Variants in PHLPP2 observed in about 807,000 individuals in gnomAD.
The protein encoded by PHLPP2 is PH domain and leucine rich repeat protein phosphatase 2, also known as PH domain leucine-rich repeat-containing protein phosphatase 2.
In PHLPP2, 66 loss-of-function variants were observed where a neutral mutation model predicts 124.9. The ratio of observed to expected loss-of-function variants is 0.53; its 90% CI spans 0.43 to 0.65. PHLPP2 has a LOEUF of 0.65. Ranked by LOEUF, PHLPP2 falls within the 30% of genes least tolerant of loss-of-function variation. The pLI is 0.00. For synonymous variants in PHLPP2, 681 were observed against 624.7 expected, an observed-to-expected ratio of 1.09 and a Z score of -1.34; for missense variants, 1,685 against 1,600.4, an observed-to-expected ratio of 1.05 and a Z score of -0.90.
chr16:71,670,450 G>A (rs2145326406), intron 10 of PHLPP2, among the ~76,000 whole-genome samples: 1 of 152,244 alleles, frequency 6.6e-6, no homozygotes, highest in African/African-American at 2.4e-5. Context: ...AGAAAAGAGA[G>A]CAAAATTAAC....
At chr16:71,718,708 TTAAAA>T (rs1448628657) in intron 1 of PHLPP2, among the ~76,000 whole-genome samples, 1 of 151,478 alleles carries the variant, frequency 6.6e-6, no homozygotes, top group Non-Finnish European at 1.5e-5. Context: ...TCAAAAAAAA[TTAAAA>T]TAAAATAAAG....
intron 2 of PHLPP2, among the ~76,000 whole-genome samples, chr16:71,712,283 T>A (rs2045329224): frequency 6.6e-6 from 1 of 152,262 alleles, no homozygotes; most frequent in Non-Finnish European, 1.5e-5. Flanking sequence ...AGTTCAATAG[T>A]GCTTTCATTA....
At chr16:71,698,481 C>T (rs1432756755) in intron 3 of PHLPP2, 4 of 748,964 alleles carry the variant, frequency 5.3e-6, no homozygotes, top group South Asian at 4.1e-5. Flanking sequence ...CAGTGCCCTG[C>T]GGCTTTCCAA....
intron 2 of PHLPP2, among the ~76,000 whole-genome samples, chr16:71,713,577 T>C (rs183384281): frequency 1.2e-4 from 18 of 152,258 alleles, no homozygotes; most frequent in Admixed American, 3.9e-4. Flanking sequence ...TGAATGTCCA[T>C]TAATAGAAGA....
chr16:71,675,560 C>A (rs1334729898), intron 9 of PHLPP2, among the ~76,000 whole-genome samples: 2 of 152,208 alleles, frequency 1.3e-5, no homozygotes, highest in Non-Finnish European at 2.9e-5. Context: ...GACCATATCA[C>A]AGTCTCTCTT....
At chr16:71,716,758 C>T (rs1293177075) in intron 1 of PHLPP2, among the ~76,000 whole-genome samples, 1 of 152,152 alleles carries the variant, frequency 6.6e-6, no homozygotes, top group Non-Finnish European at 1.5e-5. Context: ...AAATCCTACT[C>T]AGGCATCACC....
intron 4 of PHLPP2, among the ~76,000 whole-genome samples, chr16:71,685,075 C>A (rs1383786902): frequency 1.3e-5 from 2 of 152,196 alleles, no homozygotes; most frequent in Non-Finnish European, 2.9e-5. Context: ...CGCCTGTAAT[C>A]CCAGCACTTT....
At chr16:71,656,791 C>T in intron 15 of PHLPP2, 110 bp from the exon 16 acceptor site, 1 of 635,108 alleles carries the variant, frequency 1.6e-6, no homozygotes, top group Non-Finnish European at 2.8e-6. Flanking sequence ...CCTCTTGTCA[C>T]CCAGGCTGGA....
intron 2 of PHLPP2, among the ~76,000 whole-genome samples, chr16:71,703,029 G>A (rs2045246561): frequency 6.6e-6 from 1 of 152,098 alleles, no homozygotes. Flanking sequence ...AGAGAGAACA[G>A]GTAGTATTTG....
intron 1 of PHLPP2, among the ~76,000 whole-genome samples, chr16:71,716,001 A>C (rs1403280415): frequency 6.6e-6 from 1 of 152,070 alleles, no homozygotes; most frequent in Admixed American, 6.6e-5. Flanking sequence ...CAAAAAAAAA[A>C]AAAAAACTTT....
chr16:71,673,497 G>C (rs1366541870), intron 9 of PHLPP2, among the ~76,000 whole-genome samples: 1 of 152,122 alleles, frequency 6.6e-6, no homozygotes, highest in Non-Finnish European at 1.5e-5. Flanking sequence ...TCTTGACTTT[G>C]AGGCATCAAA....
chr16:71,714,506 C>A lies in PHLPP2; in HGVS notation c.284+6G>T, dbSNP rs2045344880. On this transcript the variant is annotated splice_donor_region_variant and intron_variant, in intron 2 of 18. Transcript: ENST00000568954. Reference sequence around the variant, plus strand: ...TAGAATTAGAGTGGTAAAACTGAGACCTCACCTGACCAGGTCTCCATGAAG... The same window carrying A: ...TAGAATTAGAGTGGTAAAACTGAGAACTCACCTGACCAGGTCTCCATGAAG... 1 of 1,593,892 alleles carries A rather than the reference C, an allele frequency of 6.3e-7. No individual in the cohort carries two copies. Among genetic ancestry groups the A allele is most frequent in the Non-Finnish European group, 8.6e-7 (1 of 1,169,298 alleles).
chr16:71,685,088 G>A (rs989376450), intron 4 of PHLPP2, among the ~76,000 whole-genome samples: 1 of 152,190 alleles, frequency 6.6e-6, no homozygotes, highest in African/African-American at 2.4e-5. Flanking sequence ...AGCACTTTGG[G>A]AGGCCGAGGC....
intron 1 of PHLPP2, among the ~76,000 whole-genome samples, chr16:71,719,874 C>T (rs369489379): frequency 1.7e-4 from 26 of 151,796 alleles, no homozygotes; most frequent in African/African-American, 4.1e-4. Flanking sequence ...CTCGGCTCAC[C>T]GCAACCTCCA....
chr16:71,709,667 G>C (rs117133160), intron 2 of PHLPP2, among the ~76,000 whole-genome samples: 33 of 152,262 alleles, frequency 2.2e-4, no homozygotes, highest in Non-Finnish European at 4.3e-4. Flanking sequence ...AGCAGATTGA[G>C]AGACAAGACC....
At chr16:71,666,005 G>A (rs1051538240) in intron 12 of PHLPP2, 2 of 152,094 alleles carry the variant, frequency 1.3e-5, no homozygotes, top group African/African-American at 4.8e-5. Context: ...ATTTACTTCT[G>A]CTCACCTCTG....
intron 5 of PHLPP2, among the ~76,000 whole-genome samples, chr16:71,682,912 C>T (rs546840948): frequency 1.0e-3 from 157 of 152,192 alleles, no homozygotes; most frequent in Admixed American, 2.0e-3. Context: ...GTGGCTCACA[C>T]CATAATCCAG....
At chr16:71,658,421 C>T in intron 14 of PHLPP2, 58 bp from the exon 15 acceptor site, 2 of 1,486,548 alleles carry the variant, frequency 1.3e-6, no homozygotes, top group East Asian at 2.3e-5. Context: ...GTTCTTTACT[C>T]CCAAGTGTCC....
In PHLPP2 at chr16:71,667,222, A is replaced by C. The variant is rs775821649; in HGVS notation, c.1740T>G (p.Asn580Lys). Residue 580 changes from asparagine to lysine, a missense_variant, in exon 12 of 19, where the codon AAT becomes AAG. Asn to Lys is a moderately conservative substitution (Grantham distance 94, BLOSUM62 0). Transcript: ENST00000568954. ...IPLEVLDLQH[N>K]ALTRLPDTLF... ...GGGTGTCTGGCAGCCTCGTGAGTGC[A>C]TTATGCTGAAGATCCAGCACCTCGA... is the stretch of plus-strand genomic sequence containing the variant. 1 of 1,613,842 alleles carries C rather than the reference A, an allele frequency of 6.2e-7. No individual in the cohort carries two copies. Among genetic ancestry groups the C allele is most frequent in the Non-Finnish European group, 8.5e-7 (1 of 1,179,936 alleles).
Sources: allele counts gnomAD v4.1 joint callset (sites outside exome capture counted in the v4.1 genomes callset), GRCh38; gene constraint gnomAD v4.1.1; transcripts MANE v1.5; gene names NCBI Gene and HGNC (gene_info 2026-07-23, HGNC 2026-07-21).